ZMIZ1: variants seen among roughly 807,000 people sequenced by gnomAD.
The protein encoded by ZMIZ1 is zinc finger MIZ domain-containing protein 1.
Under a neutral mutation model 113.9 loss-of-function variants are expected in ZMIZ1, and 17 were observed. That is an observed-to-expected ratio of 0.15 (90% CI 0.10 to 0.22). The LOEUF is 0.22. ZMIZ1 is among the 10% of genes least tolerant of loss of function. ZMIZ1 has a pLI of 1.00. For missense variants in ZMIZ1, 1,059 were observed against 1,477.8 expected, an observed-to-expected ratio of 0.72 and a Z score of 4.65; for synonymous variants, 607 against 603.1, an observed-to-expected ratio of 1.01 and a Z score of -0.09.
chr10:79,212,578 C>G (rs571748778), intron 6 of ZMIZ1, among the ~76,000 whole-genome samples: 10 of 152,144 alleles, frequency 6.6e-5, no homozygotes, highest in African/African-American at 2.4e-4. Context: ...ATGGTGAAAC[C>G]CTGTCTCTAC....
At chr10:79,277,109 A>T in intron 7 of ZMIZ1, 72 bp from the exon 8 acceptor site, 1 of 1,435,778 alleles carries the variant, frequency 7.0e-7, no homozygotes, top group Non-Finnish European at 9.1e-7. Context: ...GTCTGGGGAG[A>T]GTTGGGGGGG....
At chr10:79,133,051 A>C (rs1254013634) in intron 2 of ZMIZ1, among the ~76,000 whole-genome samples, 1 of 152,130 alleles carries the variant, frequency 6.6e-6, no homozygotes, top group African/African-American at 2.4e-5. Context: ...CACTCCCTTG[A>C]TTCAGACCTT....
chr10:79,203,048 A>C (rs1159790175), intron 5 of ZMIZ1, among the ~76,000 whole-genome samples: 1 of 152,130 alleles, frequency 6.6e-6, no homozygotes, highest in Non-Finnish European at 1.5e-5. Context: ...CAGGGAAGGG[A>C]GTGCTGGGGC....
At chr10:79,274,585 G>A (rs1397734831) in intron 7 of ZMIZ1, among the ~76,000 whole-genome samples, 2 of 152,034 alleles carry the variant, frequency 1.3e-5, no homozygotes, top group Non-Finnish European at 2.9e-5. Flanking sequence ...GCACCATAAG[G>A]AGAACACGCA....
intron 7 of ZMIZ1, among the ~76,000 whole-genome samples, chr10:79,237,669 C>T (rs1483772972): frequency 6.6e-6 from 1 of 152,226 alleles, no homozygotes; most frequent in South Asian, 2.1e-4. Flanking sequence ...TTAGGGCCCA[C>T]CCTAATGACC....
At chr10:79,263,750 A>G (rs1056818829) in intron 7 of ZMIZ1, among the ~76,000 whole-genome samples, 9 of 151,780 alleles carry the variant, frequency 5.9e-5, no homozygotes, top group East Asian at 1.9e-4. Flanking sequence ...AAGGGAGTAC[A>G]TGACAAGGTC....
rs117656719 is a variant in ZMIZ1, at chr10:79,274,357, A to G, written c.281-2824A>G. 9.8e-3 allele frequency among the ~76,000 whole-genome samples: 1,492 copies of G among 152,220 alleles called. 7 individuals carry two copies. The highest frequency in any genetic ancestry group is 0.016 in the Non-Finnish European group (1,062 of 67,992). ...AGCCCCGCCTAATTAGAGCAGACAG[A>G]CTTCCCAGTCCAGATGTGTGAGTGA... On this transcript the variant is annotated intron_variant, in intron 7 of 24. Transcript: ENST00000334512.
chr10:79,088,387 GA>G (rs1405480078), intron 1 of ZMIZ1, among the ~76,000 whole-genome samples: 1 of 152,210 alleles, frequency 6.6e-6, no homozygotes, highest in Non-Finnish European at 1.5e-5. Context: ...TGCACCAGGC[GA>G]GTCTGTGGGC....
chr10:79,138,970 A>C (rs968983384), intron 2 of ZMIZ1, among the ~76,000 whole-genome samples: 1 of 152,160 alleles, frequency 6.6e-6, no homozygotes, highest in Non-Finnish European at 1.5e-5. Context: ...AATCCTAAAG[A>C]GCGTGGAGGA....
At chr10:79,209,593 C>A (rs2132686896) in intron 6 of ZMIZ1, among the ~76,000 whole-genome samples, 1 of 152,366 alleles carries the variant, frequency 6.6e-6, no homozygotes, top group East Asian at 1.9e-4. Flanking sequence ...GGGCACCAGG[C>A]TTCCTGAAAA....
intron 1 of ZMIZ1, among the ~76,000 whole-genome samples, chr10:79,070,444 C>T (rs1842225829): frequency 6.6e-6 from 1 of 151,934 alleles, no homozygotes; most frequent in Admixed American, 6.5e-5. Flanking sequence ...AGGCCGGGAG[C>T]CGGCCTCAGC....
chr10:79,182,879 G>A (rs1213447569), intron 4 of ZMIZ1, among the ~76,000 whole-genome samples: 3 of 152,220 alleles, frequency 2.0e-5, no homozygotes, highest in Non-Finnish European at 4.4e-5. Context: ...GATGTACACT[G>A]TTTTCCTCCT....
chr10:79,169,241 TC>T (rs1846504471), intron 4 of ZMIZ1, among the ~76,000 whole-genome samples: 1 of 152,184 alleles, frequency 6.6e-6, no homozygotes, highest in East Asian at 1.9e-4. Flanking sequence ...CACCCAGACT[TC>T]CCGTCACAAC....
chr10:79,243,270 GC>G (rs979155680), intron 7 of ZMIZ1, among the ~76,000 whole-genome samples: 5 of 150,170 alleles, frequency 3.3e-5, no homozygotes, highest in African/African-American at 1.2e-4. Context: ...GTGCGCCCCC[GC>G]CCCCCGCGCG....
chr10:79,229,798 TGTGGGGTGGGGAAGCAGAGAGGCGG>T (rs1219061392), intron 7 of ZMIZ1, among the ~76,000 whole-genome samples: 1 of 151,940 alleles, frequency 6.6e-6, no homozygotes, highest in African/African-American at 2.4e-5. Flanking sequence ...AGAACCACAC[TGTGGGGTGGGGAAGCAGAGAGGCGG>T]GACCAGCCAC....
At chr10:79,127,267 C>T (rs533321851) in intron 2 of ZMIZ1, among the ~76,000 whole-genome samples, 4 of 152,188 alleles carry the variant, frequency 2.6e-5, no homozygotes, top group Admixed American at 6.5e-5. Flanking sequence ...GCCCTGGGCT[C>T]GGCCGGTCTG....
intron 7 of ZMIZ1, among the ~76,000 whole-genome samples, chr10:79,267,082 G>T (rs1432195346): frequency 6.6e-6 from 1 of 152,256 alleles, no homozygotes; most frequent in African/African-American, 2.4e-5. Flanking sequence ...CTCCAGAGGA[G>T]GAAGGGGTCT....
chr10:79,114,128 G>T (rs1843883736), intron 1 of ZMIZ1, among the ~76,000 whole-genome samples: 1 of 152,208 alleles, frequency 6.6e-6, no homozygotes, highest in African/African-American at 2.4e-5. Context: ...CTATCCAGCG[G>T]CAGACTTCCC....
At position 79,291,033 on chromosome 10, in the gene ZMIZ1, C is replaced by A. The variant is rs1254577080; in HGVS notation, c.615C>A (p.Thr205=). 2.5e-6 allele frequency: 4 copies of A among 1,614,250 alleles called. No homozygotes were observed. The Admixed American group carries it at 6.7e-5, about 27-fold the overall frequency. Residue 205 remains threonine (T), a synonymous_variant, in exon 10 of 25, where the codon ACC becomes ACA. Coordinates refer to ENST00000334512, the MANE Select transcript of ZMIZ1 (RefSeq NM_020338.4). ...GCAACCCCATGGCGTCGGGCATGAC[C>A]ACCAGCAACCCAGGCCTCAACTCCC... ...PGGNPMASGM[T]TSNPGLNSPQ... is the part of the protein sequence containing the mutation.
Sources: gnomAD v4.1 joint callset for allele counts (sites outside exome capture counted in the v4.1 genomes callset) on GRCh38, gnomAD v4.1.1 for gene constraint, MANE v1.5 for transcripts, NCBI Gene and HGNC (gene_info 2026-07-23, HGNC 2026-07-21) for gene names.